Variants in DNAH6 observed in about 807,000 individuals in gnomAD.
The protein encoded by DNAH6 is dynein axonemal heavy chain 6, also known as axonemal beta dynein heavy chain 6.
Under a neutral mutation model 491.4 loss-of-function variants are expected in DNAH6, and 340 were observed. The ratio of observed to expected loss-of-function variants is 0.69; its 90% CI spans 0.63 to 0.76. DNAH6 has a LOEUF of 0.76. DNAH6 is among the 30% of genes least tolerant of loss of function. The pLI is 0.00. For synonymous variants in DNAH6, 1,603 were observed against 1,686.1 expected, an observed-to-expected ratio of 0.95 and a Z score of 1.21; for missense variants, 4,443 against 4,972.2, an observed-to-expected ratio of 0.89 and a Z score of 3.20.
intron 31 of DNAH6, 45 bp from the exon 32 acceptor site, chr2:84,640,385 T>A: frequency 2.5e-6 from 3 of 1,217,080 alleles, no homozygotes; most frequent in Non-Finnish European, 3.5e-6. Context: ...AATACATTGT[T>A]ATCAATACAA....
the DNAH6 span, among the ~76,000 whole-genome samples, chr2:84,463,289 G>T: frequency 1.1e-4 from 16 of 152,154 alleles, no homozygotes; most frequent in African/African-American, 3.6e-4. Flanking sequence ...CCCAGCTGCA[G>T]GTTGTGGAGC....
intron 29 of DNAH6, among the ~76,000 whole-genome samples, chr2:84,627,302 T>A (rs1449260877): frequency 1.3e-5 from 2 of 152,202 alleles, no homozygotes; most frequent in African/African-American, 2.4e-5. Flanking sequence ...CAGTTTTGCG[T>A]CTTTCTTATG....
chr2:84,624,348 T>C lies in DNAH6; in HGVS notation c.4155T>C (p.Asp1385=), dbSNP rs747864572. Residue 1385 remains aspartate, a synonymous_variant, in exon 27 of 77, where the codon GAT becomes GAC. Coordinates refer to ENST00000389394, the MANE Select transcript of DNAH6 (RefSeq NM_001370.2). ...RNILTALITI[D]VHARDIVTEL... is the part of the protein sequence containing the mutation. The stretch of plus-strand genomic sequence containing the variant: ...TCCTAACTGCATTGATTACTATTGA[T>C]GTGCATGCAAGAGATATAGTCACTG... 6.4e-7 allele frequency: 1 copy of C among 1,551,344 alleles called. No homozygotes were observed. Among genetic ancestry groups the C allele is most frequent in the African/African-American group, 1.4e-5 (1 of 73,058 alleles).
intron 41 of DNAH6, among the ~76,000 whole-genome samples, chr2:84,681,088 G>A (rs1170390311): frequency 6.6e-6 from 1 of 152,118 alleles, no homozygotes; most frequent in Admixed American, 6.5e-5. Flanking sequence ...ACCTCAAGCA[G>A]AGGTCTAAAT....
intron 15 of DNAH6, among the ~76,000 whole-genome samples, chr2:84,586,622 A>G (rs1367255033): frequency 1.3e-5 from 2 of 152,220 alleles, no homozygotes; most frequent in Non-Finnish European, 2.9e-5. Context: ...ATAGTCCTAG[A>G]AATATTCTTA....
intron 48 of DNAH6, 75 bp from the exon 49 acceptor site, chr2:84,701,022 A>G (rs1204894405): frequency 2.0e-6 from 3 of 1,486,736 alleles, no homozygotes; most frequent in Non-Finnish European, 2.7e-6. Flanking sequence ...CCCGAGAAAT[A>G]TGTTTTTCTT....
chr2:84,578,373 G>T, intron 13 of DNAH6, among the ~76,000 whole-genome samples: 1 of 152,100 alleles, frequency 6.6e-6, no homozygotes, highest in East Asian at 1.9e-4. Flanking sequence ...ACTTGGATAT[G>T]TATTTACTGT....
chr2:84,772,351 T>C (rs1675709901), intron 64 of DNAH6, among the ~76,000 whole-genome samples: 1 of 152,032 alleles, frequency 6.6e-6, no homozygotes, highest in Non-Finnish European at 1.5e-5. Context: ...TTATTAGTAA[T>C]TATATTAAAT....
chr2:84,755,619 T>C (rs1467996982), intron 63 of DNAH6, among the ~76,000 whole-genome samples: 1 of 152,220 alleles, frequency 6.6e-6, no homozygotes. Context: ...CTTCTTCTTT[T>C]CCAATCTAGA....
At chr2:84,641,450 T>C (rs1471072131) in intron 32 of DNAH6, among the ~76,000 whole-genome samples, 3 of 152,162 alleles carry the variant, frequency 2.0e-5, no homozygotes, top group Non-Finnish European at 4.4e-5. Flanking sequence ...CAGTGGGTCG[T>C]AGAGACAGAC....
Position 84,604,258 on chromosome 2 carries a change from A to G in DNAH6, c.2869-81A>G, listed in dbSNP as rs1374968737. On this transcript the variant is annotated intron_variant, in intron 18 of 76. Coordinates refer to ENST00000389394, the MANE Select transcript of DNAH6 (RefSeq NM_001370.2). ...GTGGTGCTCTTTTCCAGCTCTCTAC[A>G]TGCACAAATTGAAACCAGAACCTGT... 4 of 1,104,236 alleles carry G rather than the reference A, an allele frequency of 3.6e-6. No homozygotes were observed. In the African/African-American group the frequency reaches 4.7e-5, roughly 13 times the overall value. The allele number at this position is 1,104,236 out of a possible 1,614,324, so 68.4% of individuals were successfully genotyped here. A position where few individuals can be genotyped will look rare whatever the true frequency, so the allele number is the denominator to read the frequency against.
chr2:84,480,416 A>G, the DNAH6 span, among the ~76,000 whole-genome samples: 1 of 152,190 alleles, frequency 6.6e-6, no homozygotes, highest in Non-Finnish European at 1.5e-5. Flanking sequence ...CTGTAAGTAC[A>G]TTCCTCAGTT....
intron 31 of DNAH6, among the ~76,000 whole-genome samples, chr2:84,638,986 G>A (rs1689128623): frequency 6.6e-6 from 1 of 152,096 alleles, no homozygotes; most frequent in African/African-American, 2.4e-5. Flanking sequence ...AGCCATGAGG[G>A]ATCAAGGATC....
intron 62 of DNAH6, among the ~76,000 whole-genome samples, chr2:84,741,624 C>T (rs1405795927): frequency 1.3e-5 from 2 of 152,176 alleles, no homozygotes; most frequent in African/African-American, 4.8e-5. Flanking sequence ...TCAACAGCAG[C>T]TCATAGCAGG....
chr2:84,767,967 G>A (rs566453509), intron 64 of DNAH6, among the ~76,000 whole-genome samples: 1 of 152,172 alleles, frequency 6.6e-6, no homozygotes, highest in South Asian at 2.1e-4. Context: ...AATGAAATCT[G>A]GAAGACATAT....
rs532935785 is a variant in DNAH6 at position 84,785,637 on chromosome 2, C to T, written c.10981C>T (p.Arg3661Cys). 7 of 1,544,050 alleles carry T rather than the reference C, an allele frequency of 4.5e-6. No homozygotes were observed. Among genetic ancestry groups the T allele is most frequent in the South Asian group, 1.2e-5 (1 of 82,076 alleles). The change falls in exon 67 of 77, where the codon CGT becomes TGT. Residue 3661 changes from arginine (R) to cysteine (C), a missense_variant. Coordinates refer to ENST00000389394, the MANE Select transcript of DNAH6 (RefSeq NM_001370.2). ...KVTNEPPKGL[R>C]ANIRRAFTEM... ...GACCAATGAGCCTCCAAAAGGCTTACGTGCAAATATCAGACGAGCATTTAC... is the reference window on the plus strand; with the variant it reads ...GACCAATGAGCCTCCAAAAGGCTTATGTGCAAATATCAGACGAGCATTTAC...
Position 84,577,387 on chromosome 2 carries a change from A to G in DNAH6, c.2055A>G (p.Pro685=), listed in dbSNP as rs139871925. The change falls in exon 13 of 77, where the codon CCA becomes CCG. Residue 685 remains proline (P), a synonymous_variant. Coordinates refer to ENST00000389394, the MANE Select transcript of DNAH6 (RefSeq NM_001370.2). Reference sequence around the variant, plus strand: ...GGCTTCTAAGAGAAAAATTAATTCCATCACCTTTGCGATGCTTAGAGGTAA... The same window carrying G: ...GGCTTCTAAGAGAAAAATTAATTCCGTCACCTTTGCGATGCTTAGAGGTAA... ...DTRLLREKLI[P]SPLRCLEVLN... The G allele has an allele frequency of 6.7e-5, 108 of 1,606,954 alleles. 1 individual carries two copies. In the African/African-American group the frequency reaches 1.2e-3, roughly 18 times the overall value.
chr2:84,539,382 T>G (rs552096796), intron 4 of DNAH6, among the ~76,000 whole-genome samples: 2 of 152,222 alleles, frequency 1.3e-5, no homozygotes, highest in African/African-American at 4.8e-5. Flanking sequence ...ATTTAGTGGA[T>G]GATGGTTTCA....
Position 84,704,055 on chromosome 2 carries a change from T to C in DNAH6, c.8230-12T>C. 1 of 1,548,028 alleles carries C rather than the reference T, an allele frequency of 6.5e-7. No homozygotes were observed. The highest frequency in any genetic ancestry group is 2.4e-5 in the East Asian group (1 of 40,908). On this transcript the variant is annotated splice_polypyrimidine_tract_variant and intron_variant, in intron 50 of 76. Transcript: ENST00000389394. ...AATGAGGCCACTTAAGCAGTCATGT[T>C]TCAATGGTTAGGTCCGTAACACTGT...
Sources: allele counts gnomAD v4.1 joint callset (sites outside exome capture counted in the v4.1 genomes callset), GRCh38; gene constraint gnomAD v4.1.1; transcripts MANE v1.5; gene names NCBI Gene and HGNC (gene_info 2026-07-23, HGNC 2026-07-21).